PCDHA11: variants seen among roughly 807,000 people sequenced by gnomAD.
The protein encoded by PCDHA11 is protocadherin alpha-11.
A neutral mutation model predicts 70.3 loss-of-function variants in PCDHA11; 61 were observed. The observed-to-expected ratio is 0.87, with a 90% CI of 0.71 to 1.07. The LOEUF (loss-of-function observed/expected upper bound fraction) is 1.07. PCDHA11 is among the 50% of genes least tolerant of loss of function. The pLI, the probability that PCDHA11 is intolerant of heterozygous loss-of-function variation, is 0.00. For synonymous variants in PCDHA11, 633 were observed against 555.1 expected, an observed-to-expected ratio of 1.14 and a Z score of -1.97; for missense variants, 1,324 against 1,237.5, an observed-to-expected ratio of 1.07 and a Z score of -1.05.
intron 3 of PCDHA11, among the ~76,000 whole-genome samples, chr5:140,983,802 A>G (rs2097069375): frequency 6.6e-6 from 1 of 152,246 alleles, no homozygotes; most frequent in South Asian, 2.1e-4. Context: ...ATGTGTGTGT[A>G]AAAGGTTTTT....
chr5:141,009,315 C>G (rs1292643535), intron 3 of PCDHA11, among the ~76,000 whole-genome samples: 2 of 152,132 alleles, frequency 1.3e-5, no homozygotes, highest in Admixed American at 6.6e-5. Context: ...AAAAGCTAGC[C>G]TGGCATGGGA....
chr5:140,941,210 T>TTC (rs2092846943), intron 1 of PCDHA11, among the ~76,000 whole-genome samples: 12 of 100,630 alleles, frequency 1.2e-4, no homozygotes, highest in Admixed American at 4.7e-4. Context: ...TTCCTTTCTT[T>TTC]CTTCCTTTCT....
chr5:140,875,632 C>G, intron 1 of PCDHA11: 1 of 1,613,710 alleles, frequency 6.2e-7, no homozygotes, highest in Non-Finnish European at 8.5e-7. Flanking sequence ...GGACCTGGGG[C>G]TGGAGCTGGC....
intron 1 of PCDHA11, among the ~76,000 whole-genome samples, chr5:140,950,195 C>T (rs186601471): frequency 6.6e-6 from 1 of 152,028 alleles, no homozygotes; most frequent in South Asian, 2.1e-4. Flanking sequence ...AAAAAATAGT[C>T]ATTTCTGTTT....
intron 1 of PCDHA11, among the ~76,000 whole-genome samples, chr5:140,950,508 C>T (rs1442075303): frequency 6.6e-6 from 1 of 152,016 alleles, no homozygotes; most frequent in African/African-American, 2.4e-5. Context: ...TCATTATTCC[C>T]TGTGTGCGAT....
intron 1 of PCDHA11, chr5:140,884,752 A>G (rs954313403): frequency 1.1e-5 from 16 of 1,429,736 alleles, no homozygotes; most frequent in East Asian, 2.5e-5. Context: ...CCAATTTCAA[A>G]TTATTCTTTA....
intron 3 of PCDHA11, among the ~76,000 whole-genome samples, chr5:140,995,181 T>G (rs1443897354): frequency 6.6e-6 from 1 of 152,186 alleles, no homozygotes; most frequent in Non-Finnish European, 1.5e-5. Context: ...GGTGCACCTA[T>G]GATAAAGTTT....
At chr5:140,918,252 C>T (rs931753296) in intron 1 of PCDHA11, among the ~76,000 whole-genome samples, 1 of 152,078 alleles carries the variant, frequency 6.6e-6, no homozygotes, top group East Asian at 1.9e-4. Context: ...TATGCTGAAA[C>T]TTTGCTGGAG....
chr5:141,010,378 A>C lies in PCDHA11; in HGVS notation c.*441A>C. ...GCTACCGCGGGTATGCGAGTGCCAG[A>C]TATTGGCTGAGACGAGCCAGCTTAG... is the stretch of plus-strand genomic sequence containing the variant. On this transcript the variant is annotated 3_prime_UTR_variant, in exon 4 of 4. Coordinates refer to ENST00000398640, the MANE Select transcript of PCDHA11 (RefSeq NM_018902.5). 6.9e-7 allele frequency: 1 copy of C among 1,450,180 alleles called. No individual in the cohort carries two copies. Among genetic ancestry groups the C allele is most frequent in the Non-Finnish European group, 9.2e-7 (1 of 1,092,666 alleles). 89.8% of individuals were successfully genotyped at this position (1,450,180 alleles called of 1,614,324 possible).
At chr5:140,993,571 G>A (rs1298531948) in intron 3 of PCDHA11, among the ~76,000 whole-genome samples, 1 of 151,484 alleles carries the variant, frequency 6.6e-6, no homozygotes, top group Non-Finnish European at 1.5e-5. Flanking sequence ...TCCTTTCTAG[G>A]GATGCTTTTC....
chr5:140,966,837 T>C, intron 1 of PCDHA11: 1 of 1,566,152 alleles, frequency 6.4e-7, no homozygotes. Context: ...CCCTGGCTGC[T>C]GCTACTGCCT....
chr5:140,883,530 A>G, intron 1 of PCDHA11: 1 of 1,614,156 alleles, frequency 6.2e-7, no homozygotes. Flanking sequence ...GTATCAGCCT[A>G]TGAACTGGTG....
intron 1 of PCDHA11, among the ~76,000 whole-genome samples, chr5:140,910,929 A>G (rs2075237197): frequency 6.6e-6 from 1 of 152,176 alleles, no homozygotes; most frequent in Admixed American, 6.5e-5. Flanking sequence ...TATAAATAAG[A>G]AAGCTCAAGC....
chr5:140,884,684 T>C (rs2060315542), intron 1 of PCDHA11: 1 of 1,543,214 alleles, frequency 6.5e-7, no homozygotes. Flanking sequence ...TTTTAAAAAA[T>C]TGTCTTAGTA....
At chr5:141,008,784 A>G (rs541946217) in intron 3 of PCDHA11, among the ~76,000 whole-genome samples, 2 of 152,320 alleles carry the variant, frequency 1.3e-5, no homozygotes, top group East Asian at 3.9e-4. Flanking sequence ...ATTGGCTCCC[A>G]GTGTTTTATC....
rs541589842 is a variant in PCDHA11, at chr5:140,964,001, A to G, written c.2392-14948A>G. Reference sequence around the variant, plus strand: ...TCTATATTCCTAATTACTGTGTTCTACTTTTTAATAGAGAGCTCTTGAAGG... The same window carrying G: ...TCTATATTCCTAATTACTGTGTTCTGCTTTTTAATAGAGAGCTCTTGAAGG... On this transcript the variant is annotated intron_variant, in intron 1 of 3. Transcript: ENST00000398640. Among the ~76,000 whole-genome samples the G allele has an allele frequency of 9.2e-5, 14 of 152,286 alleles. No homozygotes were observed. The South Asian group carries it at 2.7e-3, about 29-fold the overall frequency.
chr5:140,958,422 C>A (rs1436234763), intron 1 of PCDHA11, among the ~76,000 whole-genome samples: 1 of 152,120 alleles, frequency 6.6e-6, no homozygotes, highest in African/African-American at 2.4e-5. Context: ...TGGAAAGAAG[C>A]ACTTTTTATA....
chr5:140,921,942 C>G (rs1025333030), intron 1 of PCDHA11, among the ~76,000 whole-genome samples: 3 of 151,730 alleles, frequency 2.0e-5, no homozygotes, highest in Non-Finnish European at 4.4e-5. Context: ...TAATTTTACA[C>G]TTGTAAAATC....
intron 1 of PCDHA11, chr5:140,882,497 G>A (rs1554174299): frequency 6.2e-7 from 1 of 1,614,140 alleles, no homozygotes; most frequent in South Asian, 1.1e-5. Context: ...CCTTCTGGAG[G>A]TAAATCTGCA....
Sources: allele counts gnomAD v4.1 joint callset (sites outside exome capture counted in the v4.1 genomes callset), GRCh38; gene constraint gnomAD v4.1.1; transcripts MANE v1.5; gene names NCBI Gene and HGNC (gene_info 2026-07-23, HGNC 2026-07-21).